LYRM4: variants seen among roughly 807,000 people sequenced by gnomAD.
The protein encoded by LYRM4 is LYR motif containing 4.
In LYRM4, 9 loss-of-function variants were observed where a neutral mutation model predicts 11.7. That is an observed-to-expected ratio of 0.77 (90% confidence interval 0.46 to 1.34). LYRM4 has a LOEUF of 1.34. LYRM4 is among the 40% of genes most tolerant of loss of function. The pLI, the probability that LYRM4 is intolerant of heterozygous loss-of-function variation, is 0.00. For missense variants in LYRM4, 133 were observed against 112.5 expected (o/e 1.18, Z -0.82); for synonymous variants, 42 against 40.4 (o/e 1.04, Z -0.15).
chr6:5,202,096 T>C (rs1013863891), intron 2 of LYRM4, among the ~76,000 whole-genome samples: 2 of 152,264 alleles, frequency 1.3e-5, no homozygotes, highest in Admixed American at 6.5e-5. Flanking sequence ...TGAATAACCA[T>C]GACCAAAACT....
chr6:5,085,524 G>C, the LYRM4 span: 2 of 1,538,676 alleles, frequency 1.3e-6, no homozygotes, highest in Non-Finnish European at 1.7e-6. Flanking sequence ...TGGAGGCGCC[G>C]GGACCAGCGC....
intron 2 of LYRM4, among the ~76,000 whole-genome samples, chr6:5,167,094 C>G (rs942095500): frequency 2.6e-5 from 4 of 152,194 alleles, no homozygotes; most frequent in Non-Finnish European, 5.9e-5. Context: ...TCACCTGACC[C>G]AACCCATCAT....
chr6:5,181,458 T>C lies in LYRM4; in HGVS notation c.207+35160A>G, dbSNP rs569029174. On this transcript the variant is annotated intron_variant, in intron 2 of 2. Coordinates refer to ENST00000330636, the MANE Select transcript of LYRM4 (RefSeq NM_020408.6). ...ACACACAATACAATCTTTACATCCT[T>C]ATAAAAACCACAACCTAAAATCCAA... 2.9e-4 allele frequency among the ~76,000 whole-genome samples: 44 copies of C among 152,294 alleles called. 1 individual carries two copies. Among genetic ancestry groups the C allele is most frequent in the Admixed American group, 2.6e-3 (40 of 15,300 alleles).
chr6:5,057,282 G>A, the LYRM4 span, among the ~76,000 whole-genome samples: 22 of 152,110 alleles, frequency 1.4e-4, no homozygotes, highest in African/African-American at 4.8e-4. Flanking sequence ...AAGCCTGCAC[G>A]GGCTTCGACC....
At chr6:5,062,992 G>A in the LYRM4 span, among the ~76,000 whole-genome samples, 1 of 152,134 alleles carries the variant, frequency 6.6e-6, no homozygotes, top group South Asian at 2.1e-4. Context: ...CCGTGGTGGA[G>A]GGTGGTGTGG....
chr6:5,145,283 G>A (rs1050711542), intron 2 of LYRM4, among the ~76,000 whole-genome samples: 4 of 152,168 alleles, frequency 2.6e-5, no homozygotes, highest in Admixed American at 1.3e-4. Flanking sequence ...GTGCAGTTTC[G>A]GTGAGTGGAG....
intron 1 of LYRM4, among the ~76,000 whole-genome samples, chr6:5,217,798 C>G (rs1561878055): frequency 6.6e-6 from 1 of 152,220 alleles, no homozygotes; most frequent in Non-Finnish European, 1.5e-5. Flanking sequence ...TAGACACAGC[C>G]TCATACTCAG....
Position 5,244,818 on chromosome 6 carries a change from C to T in LYRM4, c.86+15830G>A, listed in dbSNP as rs148215221. On this transcript the variant is annotated intron_variant, in intron 1 of 2. Coordinates refer to ENST00000330636, the MANE Select transcript of LYRM4 (RefSeq NM_020408.6). ...TCTGCGCTGACTGTGGGCTGTGGTA[C>T]AAGACATGTCAGGATGAGTGTGGAG... Among the ~76,000 whole-genome samples the T allele has an allele frequency of 4.4e-3, 675 of 151,784 alleles. 3 individuals are homozygous for T. The highest frequency in any genetic ancestry group is 0.015 in the African/African-American group (638 of 41,412).
intron 1 of LYRM4, among the ~76,000 whole-genome samples, chr6:5,242,663 G>C (rs944683264): frequency 2.6e-5 from 4 of 151,550 alleles, no homozygotes; most frequent in Non-Finnish European, 5.9e-5. Flanking sequence ...AGGCTGCAAT[G>C]AGCCAAGATC....
At chr6:5,216,557 G>A in intron 2 of LYRM4, 61 bp downstream of exon 2, 1 of 1,600,540 alleles carries the variant, frequency 6.2e-7, no homozygotes. Context: ...GTCTAATCAA[G>A]GGGAATATGT....
At chr6:5,153,199 C>G (rs1487991691) in intron 2 of LYRM4, among the ~76,000 whole-genome samples, 1 of 152,138 alleles carries the variant, frequency 6.6e-6, no homozygotes, top group Non-Finnish European at 1.5e-5. Context: ...TCCAGCAATT[C>G]TCCTGCCTCA....
chr6:5,230,206 C>A (rs762811459), intron 1 of LYRM4, among the ~76,000 whole-genome samples: 2 of 152,212 alleles, frequency 1.3e-5, no homozygotes, highest in Non-Finnish European at 2.9e-5. Flanking sequence ...TAGCTAAGAT[C>A]CACAGTTCCC....
At chr6:5,065,836 C>A in the LYRM4 span, 9 of 299,900 alleles carry the variant, frequency 3.0e-5, no homozygotes, top group Non-Finnish European at 4.8e-5. Context: ...CATTTATAAG[C>A]ACAATCTTTG....
intron 1 of LYRM4, among the ~76,000 whole-genome samples, chr6:5,253,009 C>T (rs1205572305): frequency 6.6e-6 from 1 of 152,176 alleles, no homozygotes; most frequent in African/African-American, 2.4e-5. Flanking sequence ...CTTAGGAGAC[C>T]AGCTCCTTTC....
chr6:5,102,260 A>G (rs1762528447), downstream of LYRM4, among the ~76,000 whole-genome samples: 2 of 152,176 alleles, frequency 1.3e-5, 1 homozygote, highest in South Asian at 4.1e-4. Flanking sequence ...AATTTTAAAC[A>G]CATTACATGC....
the LYRM4 span, among the ~76,000 whole-genome samples, chr6:5,036,704 T>C: frequency 6.6e-6 from 1 of 152,236 alleles, no homozygotes; most frequent in South Asian, 2.1e-4. Context: ...TGGACTGAGA[T>C]CTTGCATCAA....
At chr6:5,217,256 A>C (rs76970964) in intron 1 of LYRM4, among the ~76,000 whole-genome samples, 27 of 152,296 alleles carry the variant, frequency 1.8e-4, no homozygotes, top group Non-Finnish European at 3.5e-4. Flanking sequence ...TCTGGCTCTC[A>C]CTTCCCTTTC....
chr6:5,214,004 A>T (rs187589389), intron 2 of LYRM4, among the ~76,000 whole-genome samples: 23 of 152,370 alleles, frequency 1.5e-4, no homozygotes, highest in East Asian at 5.8e-4. Flanking sequence ...TGACATAGCT[A>T]GTAGGCTGAG....
chr6:5,061,559 T>C, the LYRM4 span, among the ~76,000 whole-genome samples: 2 of 152,250 alleles, frequency 1.3e-5, no homozygotes, highest in Admixed American at 6.5e-5. Context: ...AGATCAAATG[T>C]GTGTTCAATA....
Sources: allele counts gnomAD v4.1 joint callset (sites outside exome capture counted in the v4.1 genomes callset), GRCh38; gene constraint gnomAD v4.1.1; transcripts MANE v1.5; gene names NCBI Gene and HGNC (gene_info 2026-07-23, HGNC 2026-07-21).